Variants in FSHR observed in about 807,000 individuals in gnomAD.
FSHR encodes the protein follicle stimulating hormone receptor, also known as follicle-stimulating hormone receptor.
FSHR carries 46 observed loss-of-function variants against 52.1 expected under a neutral mutation model. The observed-to-expected ratio is 0.88, with a 90% CI of 0.70 to 1.13. FSHR has a LOEUF of 1.13. FSHR is among the 50% of genes most tolerant of loss of function. The probability of loss-of-function intolerance (pLI) is 0.00; values close to 1 mark genes in which losing one functional copy is unlikely to be tolerated. For missense variants in FSHR, 964 were observed against 834.6 expected, an observed-to-expected ratio of 1.16 and a Z score of -1.91; for synonymous variants, 399 against 309.6, an observed-to-expected ratio of 1.29 and a Z score of -3.03.
chr2:49,086,800 C>A (rs1490768249), intron 1 of FSHR, among the ~76,000 whole-genome samples: 2 of 152,160 alleles, frequency 1.3e-5, no homozygotes, highest in Non-Finnish European at 2.9e-5. Flanking sequence ...GCCATCATGT[C>A]TGGCTAATTT....
At chr2:49,082,407 AG>A (rs1353514133) in intron 1 of FSHR, among the ~76,000 whole-genome samples, 1 of 152,236 alleles carries the variant, frequency 6.6e-6, no homozygotes, top group African/African-American at 2.4e-5. Flanking sequence ...AAAACAGAGC[AG>A]AAAAACTGGA....
chr2:49,015,851 G>A (rs985435209), intron 4 of FSHR, among the ~76,000 whole-genome samples: 1 of 152,186 alleles, frequency 6.6e-6, no homozygotes, highest in African/African-American at 2.4e-5. Flanking sequence ...TAACAGCAGA[G>A]AATGAAACCC....
chr2:49,153,642 C>A (rs562818477), intron 1 of FSHR, among the ~76,000 whole-genome samples: 1 of 152,122 alleles, frequency 6.6e-6, no homozygotes, highest in Non-Finnish European at 1.5e-5. Flanking sequence ...AAGTAAATTT[C>A]TAACTTATTA....
chr2:49,016,477 T>A (rs758565040), intron 4 of FSHR, among the ~76,000 whole-genome samples: 24 of 152,156 alleles, frequency 1.6e-4, no homozygotes, highest in Non-Finnish European at 1.8e-4. Flanking sequence ...GGGATTACCA[T>A]GAAAACAAGC....
chr2:48,972,155 G>T (rs144479263), intron 8 of FSHR, among the ~76,000 whole-genome samples: 5 of 152,136 alleles, frequency 3.3e-5, no homozygotes, highest in African/African-American at 9.7e-5. Flanking sequence ...CTGAAAATCT[G>T]TTCCACCTTT....
intron 4 of FSHR, chr2:48,997,436 G>A (rs1676072255): frequency 1.0e-6 from 1 of 966,442 alleles, no homozygotes. Flanking sequence ...TGCAGATTCT[G>A]TTCGGACCTA....
At chr2:48,973,705 A>G (rs1310610787) in intron 8 of FSHR, among the ~76,000 whole-genome samples, 1 of 152,212 alleles carries the variant, frequency 6.6e-6, no homozygotes, top group Non-Finnish European at 1.5e-5. Flanking sequence ...GGTGCCTTTC[A>G]TGTAGTGAGT....
rs1674590238 is a variant in FSHR, at chr2:48,968,686, G to T, written c.854+12C>A. On this transcript the variant is annotated intron_variant, in intron 9 of 9. Transcript: ENST00000406846. ...GGGAAATGCCTGAGCAGGGCTTAAA[G>T]GATGGACTCACATTTGCCGTCTCCA... is the stretch of plus-strand genomic sequence containing the variant. 1 of 1,613,786 alleles carries T rather than the reference G, an allele frequency of 6.2e-7. No individual in the cohort carries two copies. The highest frequency in any genetic ancestry group is 1.3e-5 in the African/African-American group (1 of 74,938).
chr2:49,016,666 A>C (rs1667501025), intron 4 of FSHR, among the ~76,000 whole-genome samples: 1 of 152,178 alleles, frequency 6.6e-6, no homozygotes, highest in Admixed American at 6.6e-5. Flanking sequence ...CCACTGATCA[A>C]CTCACAGAGA....
intron 1 of FSHR, among the ~76,000 whole-genome samples, chr2:49,121,146 T>C (rs1671804999): frequency 6.6e-6 from 1 of 152,256 alleles, no homozygotes; most frequent in Non-Finnish European, 1.5e-5. Flanking sequence ...GGGAATAATG[T>C]GCTGCCACTT....
intron 2 of FSHR, among the ~76,000 whole-genome samples, chr2:49,057,337 C>T (rs1394879292): frequency 6.6e-6 from 1 of 151,754 alleles, no homozygotes; most frequent in Admixed American, 6.6e-5. Context: ...TACACAATGA[C>T]AGTAGCAGTA....
Position 49,053,259 on chromosome 2 carries a change from C to T in FSHR, c.224+14960G>A, listed in dbSNP as rs553921350. The stretch of plus-strand genomic sequence containing the variant: ...CATATTTCAGCTGATGTTGATTGGT[C>T]TCATTTGCATATTCATCATGCTCCT... On this transcript the variant is annotated intron_variant, in intron 2 of 9. Transcript: ENST00000406846. 4.6e-5 allele frequency among the ~76,000 whole-genome samples: 7 copies of T among 152,248 alleles called. No individual in the cohort carries two copies. In the East Asian group the frequency reaches 1.3e-3, roughly 29 times the overall value.
At position 49,019,735 on chromosome 2, in the gene FSHR, T is replaced by C. The variant is rs1265614690; in HGVS notation, c.299+351A>G. On this transcript the variant is annotated intron_variant, in intron 3 of 9. Transcript: ENST00000406846. ...CATAGGCCAGTAGTCAGACCAGGAC[T>C]AATCAACTTCAACTACATCATGTGG... Among the ~76,000 whole-genome samples, 4 of 152,248 alleles carry C rather than the reference T, an allele frequency of 2.6e-5. No individual in the cohort carries two copies. In the East Asian group the frequency reaches 7.7e-4, roughly 29 times the overall value.
chr2:48,984,871 A>C (rs1379473569), intron 6 of FSHR, among the ~76,000 whole-genome samples: 1 of 152,222 alleles, frequency 6.6e-6, no homozygotes, highest in Non-Finnish European at 1.5e-5. Flanking sequence ...GTATTCAAAT[A>C]TCCCTTTGTC....
intron 4 of FSHR, 40 bp from the exon 5 acceptor site, chr2:48,990,677 G>T (rs1675729591): frequency 4.9e-6 from 6 of 1,230,404 alleles, no homozygotes; most frequent in Admixed American, 3.4e-5. Context: ...AAATGAAACT[G>T]GCTGTTTAAA....
At chr2:49,050,670 T>C (rs1427453103) in intron 2 of FSHR, among the ~76,000 whole-genome samples, 1 of 152,190 alleles carries the variant, frequency 6.6e-6, no homozygotes, top group African/African-American at 2.4e-5. Flanking sequence ...AGTATCCCTG[T>C]CTATACAGTG....
chr2:49,140,723 A>T (rs1572801031), intron 1 of FSHR, among the ~76,000 whole-genome samples: 1 of 152,238 alleles, frequency 6.6e-6, no homozygotes, highest in East Asian at 1.9e-4. Flanking sequence ...GAGAAAAAAA[A>T]AAAGGTACAG....
intron 8 of FSHR, among the ~76,000 whole-genome samples, chr2:48,979,030 A>G (rs1011737923): frequency 5.9e-5 from 9 of 152,152 alleles, no homozygotes; most frequent in Admixed American, 1.3e-4. Context: ...CCCAATTCCC[A>G]ATATTGGTCC....
In FSHR at chr2:48,969,545, G is replaced by C. The variant is rs11896309; in HGVS notation, c.669-662C>G. On this transcript the variant is annotated intron_variant, in intron 8 of 9. Transcript: ENST00000406846. ...TTTCAGTTTCCTCAGCTGTAAAATGGGAAGACAAAAATCCTATGTGTACCT... is the reference window on the plus strand; with the variant it reads ...TTTCAGTTTCCTCAGCTGTAAAATGCGAAGACAAAAATCCTATGTGTACCT... Among the ~76,000 whole-genome samples the C allele has an allele frequency of 4.8e-3, 724 of 150,500 alleles. 6 individuals are homozygous for C. Among genetic ancestry groups the C allele is most frequent in the African/African-American group, 0.017 (697 of 40,870 alleles).
Sources: gnomAD v4.1 joint callset for allele counts (sites outside exome capture counted in the v4.1 genomes callset) on GRCh38, gnomAD v4.1.1 for gene constraint, MANE v1.5 for transcripts, NCBI Gene and HGNC (gene_info 2026-07-23, HGNC 2026-07-21) for gene names.